The following VPS53 variants were observed in gnomAD, a reference collection of about 807,000 sequenced individuals.
The protein encoded by VPS53 is VPS53 subunit of GARP complex, also known as vacuolar protein sorting-associated protein 53 homolog.
Under a neutral mutation model 107.0 loss-of-function variants are expected in VPS53, and 70 were observed. The ratio of observed to expected loss-of-function variants is 0.65; its 90% confidence interval spans 0.54 to 0.80. VPS53 has a LOEUF of 0.80. Ranked by LOEUF, VPS53 falls within the 30% of genes least tolerant of loss-of-function variation. The pLI, the probability that VPS53 is intolerant of heterozygous loss-of-function variation, is 0.00. For missense variants in VPS53, 917 were observed against 1,049.4 expected (o/e 0.87, Z 1.74); for synonymous variants, 409 against 393.3 (o/e 1.04, Z -0.47).
chr17:655,001 G>T (rs1291203848), intron 6 of VPS53, among the ~76,000 whole-genome samples: 1 of 152,236 alleles, frequency 6.6e-6, no homozygotes, highest in East Asian at 1.9e-4. Context: ...ACCTAGAGAG[G>T]TCAGGAAGGG....
chr17:581,359 G>A (rs1229047975), intron 13 of VPS53, among the ~76,000 whole-genome samples: 4 of 148,632 alleles, frequency 2.7e-5, no homozygotes, highest in African/African-American at 7.5e-5. Context: ...AACCTAATTC[G>A]TTCCCAGAGA....
chr17:687,158 G>A (rs569297865), intron 4 of VPS53, among the ~76,000 whole-genome samples: 27 of 152,144 alleles, frequency 1.8e-4, no homozygotes, highest in Non-Finnish European at 3.2e-4. Context: ...GGTGGTGGTC[G>A]CCTGTAATCT....
At chr17:695,662 G>T (rs1487798205) in intron 4 of VPS53, among the ~76,000 whole-genome samples, 1 of 152,040 alleles carries the variant, frequency 6.6e-6, no homozygotes, top group African/African-American at 2.4e-5. Flanking sequence ...TGATCTTCCT[G>T]TCTCGGCCTC....
chr17:662,234 G>A (rs1971463265), intron 4 of VPS53, among the ~76,000 whole-genome samples: 1 of 152,164 alleles, frequency 6.6e-6, no homozygotes, highest in Non-Finnish European at 1.5e-5. Context: ...TCACACAGAG[G>A]GACAGGGGTA....
At position 532,652 on chromosome 17, in the gene VPS53, C is replaced by T. The variant is rs530442764; in HGVS notation, c.2085+190G>A. The T allele has an allele frequency of 4.7e-4, 653 of 1,388,246 alleles. 1 individual carries two copies. The highest frequency in any genetic ancestry group is 1.4e-3 in the South Asian group (82 of 58,874). 86.0% of individuals were successfully genotyped at this position (1,388,246 alleles called of 1,614,324 possible). ...TACCCTGCACCCAGAACTTAGTAGG[C>T]GTTCAAACAAAATTTTTAAAAATAA... On this transcript the variant is annotated intron_variant, in intron 19 of 21. Coordinates refer to ENST00000437048, the MANE Select transcript of VPS53 (RefSeq NM_001128159.3).
chr17:698,746 G>A (rs1973081472), intron 3 of VPS53, among the ~76,000 whole-genome samples: 1 of 151,674 alleles, frequency 6.6e-6, no homozygotes, highest in African/African-American at 2.4e-5. Context: ...TATCAGAAAA[G>A]CTTTTGCCTC....
intron 7 of VPS53, among the ~76,000 whole-genome samples, chr17:651,374 G>T (rs1267641022): frequency 6.6e-6 from 1 of 152,242 alleles, no homozygotes; most frequent in Non-Finnish European, 1.5e-5. Flanking sequence ...TAACCCCGAT[G>T]CACTGGGAGC....
intron 2 of VPS53, among the ~76,000 whole-genome samples, chr17:702,871 C>T (rs1417315927): frequency 2.0e-5 from 3 of 151,716 alleles, no homozygotes; most frequent in East Asian, 2.0e-4. Context: ...CTCTGCCAGG[C>T]GAGGCACACT....
At chr17:601,717 T>TCATA in intron 12 of VPS53, 78 bp downstream of exon 12, 1 of 1,129,868 alleles carries the variant, frequency 8.9e-7, no homozygotes. Context: ...AGCCAAAGGA[T>TCATA]CGTATCTGGA....
intron 4 of VPS53, among the ~76,000 whole-genome samples, chr17:681,780 G>C (rs1034852172): frequency 6.6e-6 from 1 of 152,184 alleles, no homozygotes; most frequent in African/African-American, 2.4e-5. Context: ...TGCCCAGTGA[G>C]GGCCCTTTCC....
intron 13 of VPS53, among the ~76,000 whole-genome samples, chr17:572,360 T>G (rs1914220455): frequency 1.4e-5 from 2 of 147,928 alleles, no homozygotes; most frequent in Admixed American, 1.3e-4. Context: ...CCGCCCCGTC[T>G]GAGAAGTGAG....
At position 697,778 on chromosome 17, in the gene VPS53, C is replaced by A. The variant is rs2740362; in HGVS notation, c.219-294G>T. On this transcript the variant is annotated intron_variant, in intron 3 of 21. Coordinates refer to ENST00000437048, the MANE Select transcript of VPS53 (RefSeq NM_001128159.3). ...AATCTGCAGGATTTTTCATGGAGTA[C>A]ATCAGGAATGACAAAGTTCCGGAGC... Among the ~76,000 whole-genome samples, 150,880 of 152,310 alleles carry A rather than the reference C, an allele frequency of 0.99. 74,756 individuals carry two copies. Among genetic ancestry groups the A allele is most frequent in the Middle Eastern group, 1 (294 of 294 alleles).
At chr17:639,117 T>C (rs1970321034) in intron 7 of VPS53, among the ~76,000 whole-genome samples, 1 of 152,230 alleles carries the variant, frequency 6.6e-6, no homozygotes, top group African/African-American at 2.4e-5. Flanking sequence ...TGTTCATTTC[T>C]TTTTACTCTT....
chr17:525,824 C>T (rs571760584), intron 19 of VPS53, among the ~76,000 whole-genome samples: 1 of 151,352 alleles, frequency 6.6e-6, no homozygotes, highest in Non-Finnish European at 1.5e-5. Flanking sequence ...ATGGTGAGAC[C>T]CCATCTCTAC....
At chr17:609,640 G>T (rs1330715602) in intron 11 of VPS53, among the ~76,000 whole-genome samples, 1 of 152,154 alleles carries the variant, frequency 6.6e-6, no homozygotes, top group Admixed American at 6.5e-5. Flanking sequence ...AATCTTAACT[G>T]CATTTGGAAG....
Position 517,810 on chromosome 17 carries a change from C to T in VPS53, c.*1318G>A, listed in dbSNP as rs932268783. On this transcript the variant is annotated 3_prime_UTR_variant, in exon 22 of 22. Transcript: ENST00000437048. ...TGCTGTGATTACAGGCATGAGCCACCACACCCAGCCAATTTTTTGTATTTT... is the reference window on the plus strand; with the variant it reads ...TGCTGTGATTACAGGCATGAGCCACTACACCCAGCCAATTTTTTGTATTTT... 5.8e-6 allele frequency: 1 copy of T among 171,930 alleles called. No individual in the cohort carries two copies. The highest frequency in any genetic ancestry group is 1.2e-5 in the Non-Finnish European group (1 of 81,428). 10.7% of individuals were successfully genotyped at this position (171,930 alleles called of 1,614,324 possible). A position where few individuals can be genotyped will look rare whatever the true frequency, so the allele number is the denominator to read the frequency against.
In VPS53 at chr17:631,603, C is replaced by G; in HGVS notation, c.634G>C (p.Gly212Arg). 3 of 1,614,036 alleles carry G rather than the reference C, an allele frequency of 1.9e-6. No individual in the cohort carries two copies. Among genetic ancestry groups the G allele is most frequent in the Non-Finnish European group, 2.5e-6 (3 of 1,179,976 alleles). Residue 212 changes from glycine to arginine, a missense_variant, in exon 8 of 22, where the codon GGA becomes CGA. Transcript: ENST00000437048. Reference protein sequence around the residue: ...ERVKAAQTELGQQILADFEEA... With the variant: ...ERVKAAQTELRQQILADFEEA... ...TCAAAATCTGCCAGGATTTGCTGTC[C>G]TAACTCAGTCTGTGCAGCCTTCACT... is the stretch of plus-strand genomic sequence containing the variant.
chr17:580,356 A>G (rs1966934234), intron 13 of VPS53, among the ~76,000 whole-genome samples: 1 of 149,026 alleles, frequency 6.7e-6, no homozygotes, highest in African/African-American at 2.5e-5. Context: ...CCTCCCTCAC[A>G]ATCTCAGTGA....
At chr17:571,691 C>T (rs901959298) in intron 13 of VPS53, among the ~76,000 whole-genome samples, 8 of 152,248 alleles carry the variant, frequency 5.3e-5, no homozygotes, top group Non-Finnish European at 7.3e-5. Context: ...TGCAGGCGCG[C>T]GCTGCCATGC....
Sources: gnomAD v4.1 joint callset for allele counts (sites outside exome capture counted in the v4.1 genomes callset) on GRCh38, gnomAD v4.1.1 for gene constraint, MANE v1.5 for transcripts, NCBI Gene and HGNC (gene_info 2026-07-23, HGNC 2026-07-21) for gene names.